Variants in PTPRG observed in about 807,000 individuals in gnomAD.
PTPRG encodes the protein protein tyrosine phosphatase receptor type G.
PTPRG carries 102 observed loss-of-function variants against 165.3 expected under a neutral mutation model. The observed-to-expected ratio is 0.62, with a 90% CI of 0.53 to 0.73. PTPRG has a LOEUF of 0.73. Ranked by LOEUF, PTPRG falls within the 30% of genes least tolerant of loss-of-function variation. The probability of loss-of-function intolerance (pLI) is 0.00; values close to 1 mark genes in which losing one functional copy is unlikely to be tolerated. For missense variants in PTPRG, 1,866 were observed against 1,861.4 expected (o/e 1.00, Z -0.05); for synonymous variants, 675 against 669.5 (o/e 1.01, Z -0.13).
In PTPRG at chr3:62,233,614, A is replaced by C. The variant is rs1700956253; in HGVS notation, c.2375+2303A>C. On this transcript the variant is annotated intron_variant, in intron 14 of 29. Transcript: ENST00000474889. This position sits in a 1 kb window ranked among gnomAD's most constrained non-coding sequence, Gnocchi z 4.7. ...AAAAGAAGAGCCCCCAGTGATAGCT[A>C]AATTGCAACCCTCCAAACAGCTACA... is the stretch of plus-strand genomic sequence containing the variant. Among the ~76,000 whole-genome samples the C allele has an allele frequency of 6.6e-6, 1 of 152,190 alleles. No individual in the cohort carries two copies. Among genetic ancestry groups the C allele is most frequent in the Admixed American group, 6.5e-5 (1 of 15,278 alleles).
chr3:61,813,543 CTGTGTGTGTGTGTGTGTGTGTGTG>C (rs58097355), intron 2 of PTPRG, among the ~76,000 whole-genome samples: 4 of 116,916 alleles, frequency 3.4e-5, no homozygotes, highest in East Asian at 2.5e-4. Flanking sequence ...AAAAGAAAAT[CTGTGTGTGTGTGTGTGTGTGTGTG>C]TGTGTGTGTG....
intron 2 of PTPRG, among the ~76,000 whole-genome samples, chr3:61,866,433 A>AGGCTGT (rs2037409400): frequency 6.6e-6 from 1 of 152,000 alleles, no homozygotes; most frequent in Non-Finnish European, 1.5e-5. Flanking sequence ...AGTAGGGTTG[A>AGGCTGT]GGCTGTGGCT....
chr3:61,748,512 T>TA (rs1169717787), intron 1 of PTPRG, among the ~76,000 whole-genome samples: 1 of 152,216 alleles, frequency 6.6e-6, no homozygotes, highest in African/African-American at 2.4e-5. Flanking sequence ...TTGGTCAAGT[T>TA]AAAGTTCTTT....
chr3:61,942,770 T>C (rs1283903474), intron 2 of PTPRG, among the ~76,000 whole-genome samples: 1 of 152,220 alleles, frequency 6.6e-6, no homozygotes, highest in African/African-American at 2.4e-5. Flanking sequence ...CTCAAAAGTA[T>C]TGCTTCTCTA....
At chr3:61,794,735 A>G (rs1370782259) in intron 2 of PTPRG, among the ~76,000 whole-genome samples, 1 of 152,210 alleles carries the variant, frequency 6.6e-6, no homozygotes, top group African/African-American at 2.4e-5. Flanking sequence ...GTTATAATGA[A>G]GATTTTCGTT....
chr3:62,109,625 T>C (rs778663905), intron 5 of PTPRG, among the ~76,000 whole-genome samples: 3 of 152,124 alleles, frequency 2.0e-5, no homozygotes, highest in Non-Finnish European at 4.4e-5. Flanking sequence ...TAGAGGACAC[T>C]GGGGGCACTG....
chr3:62,035,078 A>G (rs985465437), intron 4 of PTPRG, among the ~76,000 whole-genome samples: 1 of 152,148 alleles, frequency 6.6e-6, no homozygotes, highest in African/African-American at 2.4e-5. Context: ...TAGCTCTGCT[A>G]GATCAGGGAA....
chr3:61,582,316 A>G (rs1340149776), intron 1 of PTPRG, among the ~76,000 whole-genome samples: 1 of 152,174 alleles, frequency 6.6e-6, no homozygotes, highest in African/African-American at 2.4e-5. Context: ...AATGCTGAGT[A>G]TATCATATAT....
At chr3:62,250,228 T>A (rs1701380917) in intron 15 of PTPRG, among the ~76,000 whole-genome samples, 1 of 152,234 alleles carries the variant, frequency 6.6e-6, no homozygotes, top group African/African-American at 2.4e-5. Context: ...ATTCCCATTT[T>A]ACAGATGAGG....
At chr3:62,130,210 G>A (rs1703461012) in intron 5 of PTPRG, among the ~76,000 whole-genome samples, 1 of 152,178 alleles carries the variant, frequency 6.6e-6, no homozygotes, top group Admixed American at 6.5e-5. Flanking sequence ...AGGCCAGTGA[G>A]TCTAGAAGAA....
chr3:61,596,428 T>G (rs1461458187), intron 1 of PTPRG, among the ~76,000 whole-genome samples: 1 of 114,526 alleles, frequency 8.7e-6, no homozygotes, highest in African/African-American at 3.3e-5. Flanking sequence ...AGAATCTGTT[T>G]CAATTCGGAT....
Position 61,680,513 on chromosome 3 carries a change from A to C in PTPRG, c.86-68365A>C, listed in dbSNP as rs61525899. Reference sequence around the variant, plus strand: ...TATTCAGCTTTATGAAAAAAAAAAAAAAAAACACAAAAAAACAGCATGGGA... The same window carrying C: ...TATTCAGCTTTATGAAAAAAAAAAACAAAAACACAAAAAAACAGCATGGGA... On this transcript the variant is annotated intron_variant, in intron 1 of 29. Coordinates refer to ENST00000474889, the MANE Select transcript of PTPRG (RefSeq NM_002841.4). Among the ~76,000 whole-genome samples, 10 of 146,196 alleles carry C rather than the reference A, an allele frequency of 6.8e-5. 1 individual carries two copies. Among genetic ancestry groups the C allele is most frequent in the East Asian group, 5.9e-4 (3 of 5,094 alleles).
intron 1 of PTPRG, among the ~76,000 whole-genome samples, chr3:61,684,885 G>A (rs991143137): frequency 1.3e-5 from 2 of 152,138 alleles, no homozygotes; most frequent in African/African-American, 2.4e-5. Flanking sequence ...GAAGATGATC[G>A]TGATATCTGT....
At chr3:61,974,617 C>G (rs1420285224) in intron 2 of PTPRG, among the ~76,000 whole-genome samples, 1 of 152,106 alleles carries the variant, frequency 6.6e-6, no homozygotes, top group East Asian at 1.9e-4. Context: ...GACTGACTGT[C>G]TTTAGGCAAC....
At chr3:62,000,637 A>G (rs1193562648) in intron 3 of PTPRG, among the ~76,000 whole-genome samples, 2 of 152,146 alleles carry the variant, frequency 1.3e-5, no homozygotes, top group Non-Finnish European at 2.9e-5. Flanking sequence ...AAAATAAAAG[A>G]TCTCCTCCCA....
At chr3:61,982,681 T>C (rs781415133) in intron 2 of PTPRG, among the ~76,000 whole-genome samples, 3 of 152,136 alleles carry the variant, frequency 2.0e-5, no homozygotes, top group Non-Finnish European at 4.4e-5. Flanking sequence ...CTCTTTTTAA[T>C]ACCCTCCTTT....
intron 7 of PTPRG, among the ~76,000 whole-genome samples, chr3:62,163,877 G>A (rs890994697): frequency 1.3e-5 from 2 of 152,230 alleles, no homozygotes; most frequent in African/African-American, 4.8e-5. Context: ...CATTTAGCAA[G>A]TAGGGTTTAA....
At chr3:61,759,183 A>T (rs2033747314) in intron 2 of PTPRG, among the ~76,000 whole-genome samples, 1 of 151,920 alleles carries the variant, frequency 6.6e-6, no homozygotes, top group African/African-American at 2.4e-5. Flanking sequence ...TGCTATTAAA[A>T]CTTAACTGTC....
In PTPRG at chr3:61,647,929, G is replaced by A. The variant is rs898027706; in HGVS notation, c.85+85557G>A. On this transcript the variant is annotated intron_variant, in intron 1 of 29. Transcript: ENST00000474889. ...TACGAAGTGTCCTGATTGTGATTGC[G>A]GCCTGTGAGGCCCGTTATGGCTTGT... Among the ~76,000 whole-genome samples, 47 of 152,142 alleles carry A rather than the reference G, an allele frequency of 3.1e-4. No individual in the cohort carries two copies. In the Middle Eastern group the frequency reaches 0.02, roughly 66 times the overall value.
Sources: gnomAD v4.1 joint callset for allele counts (sites outside exome capture counted in the v4.1 genomes callset) on GRCh38, gnomAD v4.1.1 for gene constraint, Gnocchi (gnomAD v3.1) non-coding constraint, MANE v1.5 for transcripts, NCBI Gene and HGNC (gene_info 2026-07-23, HGNC 2026-07-21) for gene names.